The following KIAA1549L variants were observed in gnomAD, a reference collection of about 807,000 sequenced individuals.
KIAA1549L encodes the protein UPF0606 protein KIAA1549L.
KIAA1549L carries 88 observed loss-of-function variants against 160.7 expected under a neutral mutation model. The ratio of observed to expected loss-of-function variants is 0.55; its 90% CI spans 0.46 to 0.65. The LOEUF is 0.65. KIAA1549L is among the 30% of genes least tolerant of loss of function. KIAA1549L has a pLI of 0.00. For synonymous variants in KIAA1549L, 950 were observed against 976.7 expected, an observed-to-expected ratio of 0.97 and a Z score of 0.51; for missense variants, 2,258 against 2,437.5, an observed-to-expected ratio of 0.93 and a Z score of 1.55.
chr11:33,432,171 C>T (rs533610063), intron 1 of KIAA1549L, among the ~76,000 whole-genome samples: 1 of 152,216 alleles, frequency 6.6e-6, no homozygotes. Context: ...CTGGCCTTGG[C>T]CAGCCCAGAA....
intron 4 of KIAA1549L, among the ~76,000 whole-genome samples, chr11:33,548,641 A>G (rs1854348468): frequency 6.6e-6 from 1 of 152,232 alleles, no homozygotes; most frequent in African/African-American, 2.4e-5. Context: ...CAGGGAAGTA[A>G]CATTTTTTCT....
At chr11:33,453,287 T>C (rs1454708578) in intron 1 of KIAA1549L, among the ~76,000 whole-genome samples, 1 of 152,224 alleles carries the variant, frequency 6.6e-6, no homozygotes, top group Non-Finnish European at 1.5e-5. Context: ...CCAGAGAGTT[T>C]TCATTTTGGC....
intron 11 of KIAA1549L, 46 bp downstream of exon 11, chr11:33,583,547 G>A (rs1323589609): frequency 6.6e-7 from 1 of 1,512,210 alleles, no homozygotes; most frequent in South Asian, 1.3e-5. Flanking sequence ...AGGCCTGCAG[G>A]AGCTCAGCCT....
chr11:33,409,686 C>G (rs1850747743), intron 1 of KIAA1549L, among the ~76,000 whole-genome samples: 1 of 151,348 alleles, frequency 6.6e-6, no homozygotes. Context: ...TGAATGACTT[C>G]ATTTGATCAT....
At chr11:33,432,024 G>T (rs903234860) in intron 1 of KIAA1549L, among the ~76,000 whole-genome samples, 15 of 152,224 alleles carry the variant, frequency 9.9e-5, no homozygotes, top group African/African-American at 3.6e-4. Flanking sequence ...GGCATGGCAG[G>T]CCGGCTGCTC....
rs774777336 is a variant in KIAA1549L at position 33,673,409 on chromosome 11, C to T, written c.*5255C>T. 6.6e-6 allele frequency: 1 copy of T among 152,072 alleles called. No homozygotes were observed. Among genetic ancestry groups the T allele is most frequent in the African/African-American group, 2.4e-5 (1 of 41,376 alleles). The allele number at this position is 152,072 out of a possible 1,614,324, so 9.4% of individuals were successfully genotyped here. A position where few individuals can be genotyped will look rare whatever the true frequency, so the allele number is the denominator to read the frequency against. On this transcript the variant is annotated 3_prime_UTR_variant, in exon 21 of 21. Transcript: ENST00000658780. ...ATTTCTTCCTTATGTTTAAACACGC[C>T]CCCATCTCACACACAAACTGAGAAA...
At chr11:33,464,292 T>C (rs1476652528) in intron 1 of KIAA1549L, among the ~76,000 whole-genome samples, 1 of 152,210 alleles carries the variant, frequency 6.6e-6, no homozygotes, top group Non-Finnish European at 1.5e-5. Flanking sequence ...GACTCAATCA[T>C]TCATTCAATC....
chr11:33,553,553 G>A (rs1212224566), intron 6 of KIAA1549L, among the ~76,000 whole-genome samples: 1 of 152,192 alleles, frequency 6.6e-6, no homozygotes, highest in Non-Finnish European at 1.5e-5. Context: ...TCCTGTTCTA[G>A]ATTCATCCAA....
At chr11:33,503,268 T>C (rs976892078) in intron 1 of KIAA1549L, among the ~76,000 whole-genome samples, 1 of 152,248 alleles carries the variant, frequency 6.6e-6, no homozygotes, top group Non-Finnish European at 1.5e-5. Context: ...CATGTGTATT[T>C]GTGATTCTTT....
intron 14 of KIAA1549L, 54 bp downstream of exon 14, chr11:33,606,876 C>G: frequency 4.8e-6 from 7 of 1,459,630 alleles, no homozygotes; most frequent in Non-Finnish European, 5.6e-6. Flanking sequence ...TTGGGAAATT[C>G]GGACGAAGGA....
chr11:33,523,309 G>A (rs529819555), intron 1 of KIAA1549L, among the ~76,000 whole-genome samples: 5 of 152,246 alleles, frequency 3.3e-5, no homozygotes, highest in East Asian at 1.9e-4. Flanking sequence ...TAAAACTTTC[G>A]TTTACCACAG....
chr11:33,543,888 G>T lies in KIAA1549L; in HGVS notation c.2325G>T (p.Gln775His). Residue 775 changes from glutamine to histidine, a missense_variant, in exon 2 of 21, where the codon CAG (glutamine) becomes CAT (histidine). By Grantham distance (24) the Gln-to-His change is conservative. Coordinates refer to ENST00000658780, the MANE Select transcript of KIAA1549L (RefSeq NM_012194.3). The part of the protein sequence containing the change: ...HSVTAEGFSI[Q>H]DLVLGTSIEQ... The stretch of plus-strand genomic sequence containing the variant: ...TGACTGCAGAAGGGTTTAGTATTCA[G>T]GATCTAGTCCTCGGTACAAGCATTG... The T allele has an allele frequency of 6.2e-7, 1 of 1,614,022 alleles. No individual in the cohort carries two copies. The highest frequency in any genetic ancestry group is 8.5e-7 in the Non-Finnish European group (1 of 1,179,894).
chr11:33,576,843 T>C (rs1013736600), intron 10 of KIAA1549L, among the ~76,000 whole-genome samples: 5 of 152,042 alleles, frequency 3.3e-5, no homozygotes, highest in Admixed American at 6.6e-5. Flanking sequence ...ACAGGGGAGA[T>C]GGAACTGGGA....
chr11:33,395,617 T>C (rs1247299222), intron 1 of KIAA1549L, among the ~76,000 whole-genome samples: 1 of 152,146 alleles, frequency 6.6e-6, no homozygotes, highest in African/African-American at 2.4e-5. Context: ...TTTGGTTACA[T>C]GAGTAAGGAG....
At chr11:33,503,002 CA>C (rs1274248417) in intron 1 of KIAA1549L, among the ~76,000 whole-genome samples, 1 of 152,108 alleles carries the variant, frequency 6.6e-6, no homozygotes, top group Non-Finnish European at 1.5e-5. Context: ...GAAAAATGCA[CA>C]CACTGTAAGT....
chr11:33,613,176 C>T (rs1447250688), intron 15 of KIAA1549L, among the ~76,000 whole-genome samples: 1 of 152,210 alleles, frequency 6.6e-6, no homozygotes, highest in African/African-American at 2.4e-5. Context: ...TAAGGAATTG[C>T]CATACTGCTT....
chr11:33,567,273 T>C (rs1855081049), intron 8 of KIAA1549L, among the ~76,000 whole-genome samples: 1 of 152,234 alleles, frequency 6.6e-6, no homozygotes, highest in Non-Finnish European at 1.5e-5. Flanking sequence ...GCTTTACATA[T>C]CCTGTCTCAT....
At chr11:33,380,883 G>A (rs767682401) in intron 1 of KIAA1549L, among the ~76,000 whole-genome samples, 9 of 152,082 alleles carry the variant, frequency 5.9e-5, no homozygotes, top group Non-Finnish European at 1.2e-4. Context: ...TCAACTTGCA[G>A]TCGAGTCTAG....
intron 9 of KIAA1549L, among the ~76,000 whole-genome samples, chr11:33,568,436 C>T (rs924400502): frequency 1.3e-5 from 2 of 152,034 alleles, no homozygotes; most frequent in Admixed American, 1.3e-4. Context: ...GCTGCTCTTC[C>T]GACATTGTCA....
Sources: gnomAD v4.1 joint callset for allele counts (sites outside exome capture counted in the v4.1 genomes callset) on GRCh38, gnomAD v4.1.1 for gene constraint, MANE v1.5 for transcripts, NCBI Gene and HGNC (gene_info 2026-07-23, HGNC 2026-07-21) for gene names.